The following FNDC3B variants were observed in gnomAD, a reference collection of about 807,000 sequenced individuals.
FNDC3B encodes fibronectin type III domain containing 3B.
A neutral mutation model predicts 151.5 loss-of-function variants in FNDC3B; 12 were observed. That is an observed-to-expected ratio of 0.08 (90% CI 0.05 to 0.13). The LOEUF is 0.13. Ranked by LOEUF, FNDC3B falls within the 10% of genes least tolerant of loss-of-function variation. The probability of loss-of-function intolerance (pLI) is 1.00; values close to 1 mark genes in which losing one functional copy is unlikely to be tolerated. For missense variants in FNDC3B, 1,214 were observed against 1,505.3 expected, an observed-to-expected ratio of 0.81 and a Z score of 3.20; for synonymous variants, 528 against 549.0, an observed-to-expected ratio of 0.96 and a Z score of 0.54.
chr3:172,271,571 T>C (rs755714439), intron 6 of FNDC3B, among the ~76,000 whole-genome samples: 2 of 152,206 alleles, frequency 1.3e-5, no homozygotes, highest in African/African-American at 2.4e-5. Flanking sequence ...TGTTGGGAAA[T>C]GTTGTGGAAC....
chr3:172,090,502 G>A (rs1718767608), intron 1 of FNDC3B, among the ~76,000 whole-genome samples: 1 of 152,178 alleles, frequency 6.6e-6, no homozygotes, highest in African/African-American at 2.4e-5. Flanking sequence ...ATAGTTCTTG[G>A]TGAGAACAGA....
intron 1 of FNDC3B, among the ~76,000 whole-genome samples, chr3:172,085,574 A>G (rs868121154): frequency 6.6e-6 from 1 of 152,222 alleles, no homozygotes; most frequent in South Asian, 2.1e-4. Context: ...GAAAGGAAAT[A>G]AAGGAAAGGT....
chr3:172,121,770 T>C (rs1720558756), intron 2 of FNDC3B, among the ~76,000 whole-genome samples: 1 of 152,210 alleles, frequency 6.6e-6, no homozygotes, highest in African/African-American at 2.4e-5. Context: ...TCTCCTTATG[T>C]TGCCCAGGCT....
chr3:172,044,684 T>C (rs1354382712), intron 1 of FNDC3B, among the ~76,000 whole-genome samples: 1 of 152,228 alleles, frequency 6.6e-6, no homozygotes, highest in Non-Finnish European at 1.5e-5. Context: ...AAGATACCAC[T>C]GTACTATTTT....
chr3:172,235,231 C>T (rs748665628), intron 4 of FNDC3B, among the ~76,000 whole-genome samples: 2 of 152,066 alleles, frequency 1.3e-5, no homozygotes, highest in African/African-American at 2.4e-5. Flanking sequence ...ATTTCTATAA[C>T]ACTGTAATAT....
chr3:172,076,219 G>A (rs1296402947), intron 1 of FNDC3B, among the ~76,000 whole-genome samples: 1 of 152,098 alleles, frequency 6.6e-6, no homozygotes, highest in East Asian at 1.9e-4. Context: ...TCCTACTAAT[G>A]TCATTATATT....
intron 3 of FNDC3B, among the ~76,000 whole-genome samples, chr3:172,183,616 T>G (rs1365084557): frequency 1.3e-5 from 2 of 152,276 alleles, no homozygotes; most frequent in African/African-American, 4.8e-5. Context: ...TTTCATGGTT[T>G]CACTTATCCA....
At chr3:172,297,482 G>GT (rs546241639) in intron 8 of FNDC3B, among the ~76,000 whole-genome samples, 128 of 148,396 alleles carry the variant, frequency 8.6e-4, no homozygotes, top group South Asian at 8.0e-3. Context: ...TTCCATAAGT[G>GT]TTTTTTTTTT....
At chr3:172,233,033 T>A (rs191349284) in intron 4 of FNDC3B, among the ~76,000 whole-genome samples, 16 of 152,330 alleles carry the variant, frequency 1.1e-4, no homozygotes, top group Non-Finnish European at 2.1e-4. Context: ...TTCCTTCCAT[T>A]GTATACTGGC....
At chr3:172,215,390 A>G (rs1324568059) in intron 3 of FNDC3B, among the ~76,000 whole-genome samples, 1 of 152,210 alleles carries the variant, frequency 6.6e-6, no homozygotes, top group Non-Finnish European at 1.5e-5. Context: ...TCTTCCTAAG[A>G]GCAGAGAAAG....
chr3:172,176,713 T>C (rs1485234221), intron 3 of FNDC3B, among the ~76,000 whole-genome samples: 1 of 152,224 alleles, frequency 6.6e-6, no homozygotes, highest in East Asian at 1.9e-4. Context: ...AAATGATGTC[T>C]GTTATTACTT....
At chr3:172,193,891 TAAG>T (rs934736659) in intron 3 of FNDC3B, among the ~76,000 whole-genome samples, 3 of 152,160 alleles carry the variant, frequency 2.0e-5, no homozygotes, top group African/African-American at 7.2e-5. Flanking sequence ...TTTGGATAAA[TAAG>T]AATTGTGGGT....
chr3:172,328,639 T>TTAA (rs1170352736), intron 11 of FNDC3B, among the ~76,000 whole-genome samples: 1 of 152,204 alleles, frequency 6.6e-6, no homozygotes, highest in Non-Finnish European at 1.5e-5. Context: ...ATTGTGATCG[T>TTAA]TAACTGGAGC....
chr3:172,160,587 A>G (rs2108616878), intron 3 of FNDC3B, among the ~76,000 whole-genome samples: 1 of 152,364 alleles, frequency 6.6e-6, no homozygotes. Flanking sequence ...AGAAATTTAC[A>G]GCCAACTGTA....
intron 6 of FNDC3B, among the ~76,000 whole-genome samples, chr3:172,259,849 G>C (rs1728555739): frequency 6.6e-6 from 1 of 152,088 alleles, no homozygotes; most frequent in African/African-American, 2.4e-5. Context: ...AGATATTTTT[G>C]TCATGTCAAG....
intron 1 of FNDC3B, among the ~76,000 whole-genome samples, chr3:172,068,373 A>G (rs1043608673): frequency 6.7e-6 from 1 of 150,280 alleles, no homozygotes; most frequent in Non-Finnish European, 1.5e-5. Context: ...TTAATTTTGT[A>G]GTTCTCCTTC....
At chr3:172,128,270 A>G (rs113767079) in intron 2 of FNDC3B, among the ~76,000 whole-genome samples, 1 of 152,206 alleles carries the variant, frequency 6.6e-6, no homozygotes, top group African/African-American at 2.4e-5. Flanking sequence ...ACACATTCAC[A>G]TCTTCTTCCA....
At chr3:172,140,073 A>G (rs1282850016) in intron 3 of FNDC3B, among the ~76,000 whole-genome samples, 1 of 152,298 alleles carries the variant, frequency 6.6e-6, no homozygotes, top group East Asian at 1.9e-4. Flanking sequence ...GAAAATAGCA[A>G]GTCATTTGCC....
chr3:172,327,491 C>G (rs1732416841), intron 11 of FNDC3B, among the ~76,000 whole-genome samples: 1 of 152,174 alleles, frequency 6.6e-6, no homozygotes, highest in Admixed American at 6.5e-5. Flanking sequence ...AGCTCCGTCT[C>G]CCAGGTTCAC....
Sources: allele counts gnomAD v4.1 joint callset (sites outside exome capture counted in the v4.1 genomes callset), GRCh38; gene constraint gnomAD v4.1.1; transcripts MANE v1.5; gene names NCBI Gene and HGNC (gene_info 2026-07-23, HGNC 2026-07-21).